JAK2: variants seen among roughly 807,000 people sequenced by gnomAD.
JAK2 encodes the protein Janus kinase 2.
A neutral mutation model predicts 139.3 loss-of-function variants in JAK2; 86 were observed. The observed-to-expected ratio is 0.62, with a 90% CI of 0.52 to 0.74. The LOEUF (loss-of-function observed/expected upper bound fraction) is 0.74. JAK2 is among the 30% of genes least tolerant of loss of function. JAK2 has a pLI of 0.00. For missense variants in JAK2, 1,421 were observed against 1,360.3 expected (o/e 1.04, Z -0.70); for synonymous variants, 490 against 437.7 (o/e 1.12, Z -1.49).
intron 11 of JAK2, 23 bp downstream of exon 11, chr9:5,069,231 T>C: frequency 1.3e-6 from 2 of 1,503,314 alleles, no homozygotes; most frequent in Non-Finnish European, 1.8e-6. Context: ...TCTAGTTATT[T>C]TTAAATTACT....
intron 22 of JAK2, among the ~76,000 whole-genome samples, chr9:5,116,811 T>C (rs1318402793): frequency 1.3e-5 from 2 of 152,168 alleles, no homozygotes; most frequent in Non-Finnish European, 2.9e-5. Flanking sequence ...CATAGTCCCT[T>C]CAAGAGCTCA....
rs145217075 is a variant in JAK2 at position 5,126,433 on chromosome 9, G to C, written c.3278G>C (p.Gly1093Ala). The part of the protein sequence containing the change: ...KNNGRLPRPD[G>A]CPDEIYMIMT... ...AATGGAAGATTACCAAGACCAGATG[G>C]ATGCCCAGATGAGGTAACAATTTTT... Residue 1093 changes from glycine (G) to alanine (A), a missense_variant, in exon 24 of 25, where the codon GGA becomes GCA. Gly to Ala is a moderately conservative substitution (Grantham distance 60, BLOSUM62 0). Coordinates refer to ENST00000381652, the MANE Select transcript of JAK2 (RefSeq NM_004972.4). 17 of 1,602,410 alleles carry C rather than the reference G, an allele frequency of 1.1e-5. No individual in the cohort carries two copies. In the South Asian group the frequency reaches 1.4e-4, roughly 14 times the overall value.
intron 22 of JAK2, chr9:5,112,567 C>G (rs1041236449): frequency 2.8e-5 from 18 of 642,566 alleles, no homozygotes; most frequent in African/African-American, 2.5e-4. Context: ...CGCCAGGGAG[C>G]GGCTGCGGGT....
At position 5,000,374 on chromosome 9, in the gene JAK2, A is replaced by G. The variant is rs75203082; in HGVS notation, c.-26+14352A>G. ...TCGAATGTGTAAGGAGACCAGTAAG[A>G]AAATCATGAAGAACAGCTAACAGCA... On this transcript the variant is annotated intron_variant, in intron 2 of 24. Coordinates refer to ENST00000381652, the MANE Select transcript of JAK2 (RefSeq NM_004972.4). Among the ~76,000 whole-genome samples, 319 of 152,358 alleles carry G rather than the reference A, an allele frequency of 2.1e-3. 4 individuals carry two copies. Among genetic ancestry groups the G allele is most frequent in the African/African-American group, 7.1e-3 (294 of 41,592 alleles).
intron 4 of JAK2, 44 bp from the exon 5 acceptor site, chr9:5,044,359 T>C: frequency 8.2e-7 from 1 of 1,217,658 alleles, no homozygotes; most frequent in Non-Finnish European, 1.2e-6. Context: ...ACGTTTGTAT[T>C]TGAACTATTT....
intron 22 of JAK2, chr9:5,099,778 C>G (rs994374657): frequency 6.6e-6 from 1 of 152,160 alleles, no homozygotes; most frequent in African/African-American, 2.4e-5. Flanking sequence ...AATAATATCC[C>G]TAATTATCTT....
At chr9:5,099,030 C>G (rs529634021) in intron 22 of JAK2, 3 of 152,258 alleles carry the variant, frequency 2.0e-5, no homozygotes, top group African/African-American at 4.8e-5. Context: ...CAACACCAGA[C>G]TTAAAACCAG....
At chr9:5,084,427 G>A (rs566414055) in intron 19 of JAK2, among the ~76,000 whole-genome samples, 7 of 152,032 alleles carry the variant, frequency 4.6e-5, no homozygotes, top group African/African-American at 1.7e-4. Flanking sequence ...ATTAGCTACT[G>A]TATCCCTTTG....
intron 12 of JAK2, 41 bp from the exon 13 acceptor site, chr9:5,072,451 C>T (rs1160628143): frequency 1.4e-6 from 2 of 1,444,238 alleles, no homozygotes; most frequent in African/African-American, 1.4e-5. Context: ...CTTCGTTCTC[C>T]ATCTTTACTC....
At chr9:5,052,501 C>T (rs1013379172) in intron 6 of JAK2, among the ~76,000 whole-genome samples, 2 of 152,036 alleles carry the variant, frequency 1.3e-5, no homozygotes, top group African/African-American at 4.8e-5. Flanking sequence ...AGATAATTTA[C>T]AAATCATAAA....
intron 23 of JAK2, among the ~76,000 whole-genome samples, chr9:5,125,095 T>C (rs184884821): frequency 1.3e-5 from 2 of 151,344 alleles, no homozygotes; most frequent in Admixed American, 6.6e-5. Context: ...TTTTTTTTAA[T>C]ATGGAAAAGT....
At position 5,089,711 on chromosome 9, in the gene JAK2, C is replaced by T; in HGVS notation, c.2609C>T (p.Pro870Leu). Residue 870 changes from proline (P) to leucine (L), a missense_variant, in exon 20 of 25, where the codon CCT becomes CTT. By Grantham distance (98) the Pro-to-Leu change is moderately conservative (BLOSUM62 -3). Coordinates refer to ENST00000381652, the MANE Select transcript of JAK2 (RefSeq NM_004972.4). ...AGTGTGGAGATGTGCCGGTATGACC[C>T]TCTACAGGACAACACTGGGGAGGTG... ...FGSVEMCRYD[P>L]LQDNTGEVVA... The T allele has an allele frequency of 6.5e-7, 1 of 1,528,784 alleles. No individual in the cohort carries two copies. Among genetic ancestry groups the T allele is most frequent in the Non-Finnish European group, 8.8e-7 (1 of 1,136,800 alleles). 94.7% of individuals were successfully genotyped at this position (1,528,784 alleles called of 1,614,324 possible).
In JAK2 at chr9:5,090,929, T is replaced by A. The variant is rs1464149658; in HGVS notation, c.3059+18T>A. On this transcript the variant is annotated intron_variant, in intron 22 of 24. Transcript: ENST00000381652. The stretch of plus-strand genomic sequence containing the variant: ...ATATTCTGGTGAGTATATTTCAGTA[T>A]GATAAATGAAATTTTAGAGCACAGA... 1 of 1,515,016 alleles carries A rather than the reference T, an allele frequency of 6.6e-7. No homozygotes were observed. The highest frequency in any genetic ancestry group is 2.2e-5 in the Admixed American group (1 of 45,000). The allele number at this position is 1,515,016 out of a possible 1,614,324, so 93.8% of individuals were successfully genotyped here. A position where few individuals can be genotyped will look rare whatever the true frequency, so the allele number is the denominator to read the frequency against.
chr9:5,006,606 A>G (rs948757226), intron 2 of JAK2, among the ~76,000 whole-genome samples: 2 of 152,178 alleles, frequency 1.3e-5, no homozygotes, highest in African/African-American at 4.8e-5. Context: ...GTGAAGGGGA[A>G]AAAAGTACAT....
chr9:5,110,401 C>T (rs1053749807), intron 22 of JAK2: 18 of 152,270 alleles, frequency 1.2e-4, no homozygotes, highest in African/African-American at 4.1e-4. Context: ...CTGGGCCTTA[C>T]GATAGTCACA....
At chr9:5,023,131 C>A (rs190031158) in intron 3 of JAK2, among the ~76,000 whole-genome samples, 1 of 152,078 alleles carries the variant, frequency 6.6e-6, no homozygotes, top group Non-Finnish European at 1.5e-5. Flanking sequence ...ATTTTTGTGC[C>A]CATTAACCAA....
intron 22 of JAK2, among the ~76,000 whole-genome samples, chr9:5,121,065 G>C (rs1489410087): frequency 6.6e-6 from 1 of 152,150 alleles, no homozygotes; most frequent in African/African-American, 2.4e-5. Context: ...GAATAAATCT[G>C]ATGAAGAGAC....
At position 5,078,376 on chromosome 9, in the gene JAK2, A is replaced by G; in HGVS notation, c.2063A>G (p.Lys688Arg). 1 of 1,612,816 alleles carries G rather than the reference A, an allele frequency of 6.2e-7. No homozygotes were observed. Among genetic ancestry groups the G allele is most frequent in the Middle Eastern group, 1.7e-4 (1 of 6,052 alleles). The change falls in exon 16 of 25, where the codon AAG becomes AGG. Residue 688 changes from lysine to arginine, a missense_variant. Lys to Arg is a conservative substitution (Grantham distance 26, BLOSUM62 2). Transcript: ENST00000381652. ...NILLIREEDR[K>R]TGNPPFIKLS... ...CTGCTTATCAGAGAAGAAGACAGGA[A>G]GACAGGAAATCCTCCTTTCATCAAA...
chr9:5,004,603 T>A (rs2129880196), intron 2 of JAK2, among the ~76,000 whole-genome samples: 2 of 152,284 alleles, frequency 1.3e-5, no homozygotes, highest in African/African-American at 4.8e-5. Flanking sequence ...AGCATGGGAG[T>A]GTAGATATTG....
Sources: gnomAD v4.1 joint callset for allele counts (sites outside exome capture counted in the v4.1 genomes callset) on GRCh38, gnomAD v4.1.1 for gene constraint, MANE v1.5 for transcripts, NCBI Gene and HGNC (gene_info 2026-07-23, HGNC 2026-07-21) for gene names.